SH3BP5: variants seen among roughly 807,000 people sequenced by gnomAD.
The protein encoded by SH3BP5 is SH3 domain-binding protein 5.
SH3BP5 carries 22 observed loss-of-function variants against 43.3 expected under a neutral mutation model. The ratio of observed to expected loss-of-function variants is 0.51; its 90% CI spans 0.36 to 0.73. SH3BP5 has a LOEUF of 0.73. Ranked by LOEUF, SH3BP5 falls within the 30% of genes least tolerant of loss-of-function variation. The pLI, the probability that SH3BP5 is intolerant of heterozygous loss-of-function variation, is 0.00. For missense variants in SH3BP5, 529 were observed against 586.9 expected, an observed-to-expected ratio of 0.90 and a Z score of 1.02; for synonymous variants, 255 against 225.8, an observed-to-expected ratio of 1.13 and a Z score of -1.16.
At chr3:15,296,507 G>A (rs188880030) in intron 3 of SH3BP5, among the ~76,000 whole-genome samples, 2 of 152,146 alleles carry the variant, frequency 1.3e-5, no homozygotes. Context: ...GTCAACAAGT[G>A]GCTAGAACAA....
At chr3:15,288,762 A>C (rs528002033) in intron 3 of SH3BP5, among the ~76,000 whole-genome samples, 85 of 152,314 alleles carry the variant, frequency 5.6e-4, no homozygotes, top group Admixed American at 4.7e-3. Context: ...CAAACAAACA[A>C]AAAAAGGCTA....
rs922551480 is a variant in SH3BP5 at position 15,254,516 on chromosome 3, GTTAA to G, written c.*1566_*1569del. ...CTAATGCCCCAGTGTACCCCCCCCA[GTTAA>G]TTAATTAAATAATTCTCTGGGGATG... On this transcript the variant is annotated 3_prime_UTR_variant, in exon 9 of 9. Transcript: ENST00000383791. The G allele has an allele frequency of 2.6e-5, 4 of 151,796 alleles. No individual in the cohort carries two copies. The highest frequency in any genetic ancestry group is 4.4e-5 in the Non-Finnish European group (3 of 68,022). The allele number at this position is 151,796 out of a possible 1,614,324, so 9.4% of individuals were successfully genotyped here. A position where few individuals can be genotyped will look rare whatever the true frequency, so the allele number is the denominator to read the frequency against.
Position 15,256,013 on chromosome 3 carries a change from T to C in SH3BP5, c.*73A>G. 1 of 1,241,636 alleles carries C rather than the reference T, an allele frequency of 8.1e-7. No individual in the cohort carries two copies. Among genetic ancestry groups the C allele is most frequent in the Admixed American group, 1.9e-5 (1 of 51,680 alleles). 76.9% of individuals were successfully genotyped at this position (1,241,636 alleles called of 1,614,324 possible). On this transcript the variant is annotated 3_prime_UTR_variant, in exon 9 of 9. Transcript: ENST00000383791. ...CGTGTAAGATTTGGCATATATTAAA[T>C]GATTATTGGCACAATGTTCTCCAGT...
At chr3:15,338,672 T>A (rs1325898568) in intron 1 of SH3BP5, among the ~76,000 whole-genome samples, 1 of 151,684 alleles carries the variant, frequency 6.6e-6, no homozygotes, top group Non-Finnish European at 1.5e-5. Flanking sequence ...GACTCATGCA[T>A]GGGTGCGCAG....
At chr3:15,271,949 C>G (rs1012248542) in intron 3 of SH3BP5, among the ~76,000 whole-genome samples, 5 of 151,908 alleles carry the variant, frequency 3.3e-5, no homozygotes, top group Non-Finnish European at 5.9e-5. Flanking sequence ...GTCCCACCAC[C>G]CTCCCTCGTC....
Position 15,256,221 on chromosome 3 carries a change from A to ACCACTG in SH3BP5, c.1227_1232dup (p.Ser410_Gly411dup), listed in dbSNP as rs771691733. 18 of 1,613,778 alleles carry ACCACTG rather than the reference A, an allele frequency of 1.1e-5. No individual in the cohort carries two copies. In the East Asian group the frequency reaches 4.0e-4, roughly 36 times the overall value. ...TGCTGCTTTGGCTCTTACTGCTGCC[A>ACCACTG]CCACTGCCACTGCTACTGCTGAGGC... On this transcript the variant is annotated inframe_insertion, in exon 9 of 9. Coordinates refer to ENST00000383791, the MANE Select transcript of SH3BP5 (RefSeq NM_004844.5).
chr3:15,256,413 G>A (rs1159370413), intron 8 of SH3BP5, 110 bp from the exon 9 acceptor site: 2 of 1,193,580 alleles, frequency 1.7e-6, no homozygotes, highest in Non-Finnish European at 2.4e-6. Flanking sequence ...AGTCACTTGA[G>A]CTCAAACCAG....
intron 2 of SH3BP5, among the ~76,000 whole-genome samples, chr3:15,320,095 TG>T (rs367721407): frequency 8.0e-4 from 122 of 152,264 alleles, no homozygotes; most frequent in African/African-American, 2.8e-3. Flanking sequence ...AAAATGAAGC[TG>T]AATCCCTTTG....
Position 15,269,763 on chromosome 3 carries a change from G to A in SH3BP5, c.445C>T (p.Arg149Trp), listed in dbSNP as rs144294550. 1.3e-4 allele frequency: 202 copies of A among 1,611,844 alleles called. 1 individual carries two copies. Among genetic ancestry groups the A allele is most frequent in the South Asian group, 4.1e-4 (37 of 90,920 alleles). Residue 149 changes from arginine (R) to tryptophan (W), a missense_variant, in exon 4 of 9, where the codon CGG becomes TGG. This residue lies in a region of SH3BP5 where 85 missense variants were observed against 140.8 expected (regional missense o/e 0.60). Transcript: ENST00000383791. ...TCCTGCCAGGCGGAGTCGAACTGCCGCTTGTCATCCTCCAGCAGCCGCTGC... is the reference window on the plus strand; with the variant it reads ...TCCTGCCAGGCGGAGTCGAACTGCCACTTGTCATCCTCCAGCAGCCGCTGC... ...AEQRLLEDDK[R>W]QFDSAWQEML...
At chr3:15,330,476 C>CCAAGAA (rs777536920) in intron 2 of SH3BP5, 28 bp downstream of exon 2, 74 of 1,594,340 alleles carry the variant, frequency 4.6e-5, no homozygotes, top group Non-Finnish European at 6.3e-5. Flanking sequence ...CATCACTTCA[C>CCAAGAA]CAAGAACAGG....
chr3:15,315,628 C>T (rs1037408741), intron 2 of SH3BP5, among the ~76,000 whole-genome samples: 84 of 152,164 alleles, frequency 5.5e-4, no homozygotes, highest in Non-Finnish European at 1.1e-3. Flanking sequence ...AACCAATTCC[C>T]TCCTAGACAG....
At chr3:15,295,119 C>A (rs563824353) in intron 3 of SH3BP5, among the ~76,000 whole-genome samples, 1 of 152,338 alleles carries the variant, frequency 6.6e-6, no homozygotes, top group Admixed American at 6.5e-5. Context: ...CACTCCCTAG[C>A]TTCTTCCCTT....
At chr3:15,290,926 G>A (rs574392312) in intron 3 of SH3BP5, among the ~76,000 whole-genome samples, 1 of 152,184 alleles carries the variant, frequency 6.6e-6, no homozygotes, top group Admixed American at 6.5e-5. Flanking sequence ...GCAGAAACAG[G>A]AAGTGGCTGG....
chr3:15,328,120 C>A (rs184070607), intron 2 of SH3BP5, among the ~76,000 whole-genome samples: 1 of 152,084 alleles, frequency 6.6e-6, no homozygotes, highest in Non-Finnish European at 1.5e-5. Flanking sequence ...GGCCAGCCAG[C>A]AACCCAGCCC....
chr3:15,300,392 C>T (rs757874768), intron 3 of SH3BP5, among the ~76,000 whole-genome samples: 18 of 152,104 alleles, frequency 1.2e-4, no homozygotes, highest in Non-Finnish European at 1.2e-4. Context: ...ACTCTGGGGA[C>T]GCAGTGCCTC....
At chr3:15,328,930 G>C (rs1698532285) in intron 2 of SH3BP5, among the ~76,000 whole-genome samples, 1 of 152,106 alleles carries the variant, frequency 6.6e-6, no homozygotes, top group Non-Finnish European at 1.5e-5. Context: ...AGTGGCAACT[G>C]GGCTCTTGAA....
chr3:15,307,737 G>A (rs527598618), intron 2 of SH3BP5, among the ~76,000 whole-genome samples: 4 of 152,362 alleles, frequency 2.6e-5, no homozygotes, highest in Admixed American at 6.5e-5. Context: ...GCAGGCAGCC[G>A]CTCTGCAAGA....
At chr3:15,337,212 G>A (rs1353026478), upstream of SH3BP5, among the ~76,000 whole-genome samples, 1 of 149,030 alleles carries the variant, frequency 6.7e-6, no homozygotes, top group Non-Finnish European at 1.5e-5. Context: ...AGCCTCCTGT[G>A]TAGCTGGGAT....
At chr3:15,338,857 T>C (rs2124845335) in intron 1 of SH3BP5, among the ~76,000 whole-genome samples, 1 of 152,210 alleles carries the variant, frequency 6.6e-6, no homozygotes, top group East Asian at 1.9e-4. Flanking sequence ...AGTCTCAAAT[T>C]AACCTCAGAA....
Sources: allele counts gnomAD v4.1 joint callset (sites outside exome capture counted in the v4.1 genomes callset), GRCh38; gene constraint gnomAD v4.1.1; regional missense constraint gnomAD v4.1.1; transcripts MANE v1.5; gene names NCBI Gene and HGNC (gene_info 2026-07-23, HGNC 2026-07-21).